IGF1R: variants seen among roughly 807,000 people sequenced by gnomAD.
The protein encoded by IGF1R is insulin like growth factor 1 receptor.
A neutral mutation model predicts 144.6 loss-of-function variants in IGF1R; 44 were observed. The observed-to-expected ratio is 0.30, with a 90% CI of 0.24 to 0.39. The LOEUF is 0.39. Among genes scored for constraint, IGF1R ranks in the 10% least tolerant of loss-of-function variants. IGF1R has a pLI of 1.00. For missense variants in IGF1R, 1,355 were observed against 1,833.7 expected (o/e 0.74, Z 4.77); for synonymous variants, 795 against 722.8 (o/e 1.10, Z -1.60).
intron 17 of IGF1R, among the ~76,000 whole-genome samples, chr15:98,938,232 C>A (rs2016232439): frequency 6.6e-6 from 1 of 152,228 alleles, no homozygotes; most frequent in African/African-American, 2.4e-5. Flanking sequence ...GTGGAAAAGC[C>A]TGGGCATGCT....
At chr15:98,912,526 T>A (rs946324601) in intron 7 of IGF1R, among the ~76,000 whole-genome samples, 1 of 152,250 alleles carries the variant, frequency 6.6e-6, no homozygotes, top group African/African-American at 2.4e-5. Context: ...CAGCTGGTAA[T>A]TTCACTGAGG....
rs987932987 is a variant in IGF1R at position 98,958,549 on chromosome 15, C to G, written c.*1107C>G. ...AAAGCAGTCAATGGATTCAAGCATT[C>G]TAAGCTTTGTTGACATTTTCTCTGT... On this transcript the variant is annotated 3_prime_UTR_variant, in exon 21 of 21. Transcript: ENST00000650285. The G allele has an allele frequency of 4.3e-6, 1 of 232,852 alleles. No individual in the cohort carries two copies. 14.4% of individuals were successfully genotyped at this position (232,852 alleles called of 1,614,324 possible).
chr15:98,822,159 C>A (rs995098080), intron 2 of IGF1R, among the ~76,000 whole-genome samples: 1 of 152,166 alleles, frequency 6.6e-6, no homozygotes, highest in African/African-American at 2.4e-5. Flanking sequence ...ATTAGAGCCA[C>A]CCTCAAACAG....
At chr15:98,884,016 CAG>C (rs1199313862) in intron 2 of IGF1R, among the ~76,000 whole-genome samples, 1 of 152,154 alleles carries the variant, frequency 6.6e-6, no homozygotes, top group Non-Finnish European at 1.5e-5. Context: ...GACTTGGGGA[CAG>C]AGAAGGGTGA....
chr15:98,884,700 A>AG (rs926031410), intron 2 of IGF1R, among the ~76,000 whole-genome samples: 7 of 151,484 alleles, frequency 4.6e-5, no homozygotes, highest in African/African-American at 1.5e-4. Flanking sequence ...AAAAAAAAAA[A>AG]AAAAGAAATT....
At chr15:98,650,967 T>C (rs908080968) in intron 1 of IGF1R, 11 of 985,050 alleles carry the variant, frequency 1.1e-5, no homozygotes, top group Non-Finnish European at 1.3e-5. Context: ...GTTTTATTCT[T>C]CTGAAAAAGT....
At chr15:98,781,861 TC>T in intron 2 of IGF1R, among the ~76,000 whole-genome samples, 1 of 152,100 alleles carries the variant, frequency 6.6e-6, no homozygotes, top group East Asian at 1.9e-4. Context: ...GGTTTAAGAG[TC>T]TTAAGGTTCA....
Position 98,957,351 on chromosome 15 carries a change from C to T in IGF1R, c.4013C>T (p.Ala1338Val), listed in dbSNP as rs1330066958. 1 of 1,612,152 alleles carries T rather than the reference C, an allele frequency of 6.2e-7. No homozygotes were observed. Among genetic ancestry groups the T allele is most frequent in the Middle Eastern group, 1.7e-4 (1 of 6,052 alleles). ...GPGPGVLVLRASFDERQPYAH... is the reference protein window; with the variant it reads ...GPGPGVLVLRVSFDERQPYAH... Reference sequence around the variant, plus strand: ...GGCCCTGGGGTGCTGGTCCTCCGCGCCAGCTTCGACGAGAGACAGCCTTAC... The same window carrying T: ...GGCCCTGGGGTGCTGGTCCTCCGCGTCAGCTTCGACGAGAGACAGCCTTAC... Residue 1338 changes from alanine to valine, a missense_variant, in exon 21 of 21, where the codon GCC becomes GTC. Ala to Val is a moderately conservative substitution (Grantham distance 64). Transcript: ENST00000650285.
chr15:98,849,893 A>G (rs1235859986), intron 2 of IGF1R, among the ~76,000 whole-genome samples: 1 of 152,244 alleles, frequency 6.6e-6, no homozygotes, highest in African/African-American at 2.4e-5. Flanking sequence ...GAAAAAATCC[A>G]AAATATTTGA....
chr15:98,657,627 T>G (rs913286178), intron 1 of IGF1R, among the ~76,000 whole-genome samples: 10 of 152,234 alleles, frequency 6.6e-5, no homozygotes, highest in Non-Finnish European at 1.3e-4. Context: ...CTGATTTCTG[T>G]GGATAATGAG....
In IGF1R at chr15:98,704,074, C is replaced by T. The variant is rs2053802036; in HGVS notation, c.95-3488C>T. Reference sequence around the variant, plus strand: ...TTTAGTGTCCCCAGGGGAAAAAAGACCCTCCCGGCCCCCTTCAGCTGTGAT... The same window carrying T: ...TTTAGTGTCCCCAGGGGAAAAAAGATCCTCCCGGCCCCCTTCAGCTGTGAT... On this transcript the variant is annotated intron_variant, in intron 1 of 20. Transcript: ENST00000650285. This position sits in a 1 kb window ranked among gnomAD's most constrained non-coding sequence, Gnocchi z 4.9. 6.7e-6 allele frequency among the ~76,000 whole-genome samples: 1 copy of T among 150,304 alleles called. No individual in the cohort carries two copies. Among genetic ancestry groups the T allele is most frequent in the Admixed American group, 6.6e-5 (1 of 15,038 alleles).
Position 98,867,294 on chromosome 15 carries a change from G to C in IGF1R, c.641-24031G>C, listed in dbSNP as rs192977623. 4.7e-4 allele frequency among the ~76,000 whole-genome samples: 71 copies of C among 152,224 alleles called. 1 individual carries two copies. Among genetic ancestry groups the C allele is most frequent in the Admixed American group, 2.5e-3 (39 of 15,296 alleles). ...GTTCTGTGAAGTTTTAAAACAAATT[G>C]GGTTTGTTTAATTAAAATATTTCTT... On this transcript the variant is annotated intron_variant, in intron 2 of 20. Transcript: ENST00000650285.
chr15:98,667,725 C>T (rs1384611692), intron 1 of IGF1R, among the ~76,000 whole-genome samples: 1 of 152,134 alleles, frequency 6.6e-6, no homozygotes. Context: ...GGGAGTGGCT[C>T]ACCTTGGTCT....
chr15:98,649,831 G>A (rs2052305435), intron 1 of IGF1R, among the ~76,000 whole-genome samples, 156 bp downstream of exon 1: 1 of 152,142 alleles, frequency 6.6e-6, no homozygotes, highest in South Asian at 2.1e-4. Context: ...CCGGGAGGGA[G>A]GCTGCAGCGG....
chr15:98,665,826 G>C (rs1282361804), intron 1 of IGF1R, among the ~76,000 whole-genome samples: 1 of 152,204 alleles, frequency 6.6e-6, no homozygotes, highest in African/African-American at 2.4e-5. Flanking sequence ...AGAAGGAGCT[G>C]CTCTCTTGCT....
chr15:98,728,559 G>A (rs950086611), intron 2 of IGF1R, among the ~76,000 whole-genome samples: 8 of 152,226 alleles, frequency 5.3e-5, no homozygotes, highest in Admixed American at 1.3e-4. Flanking sequence ...CTTGAAGAGC[G>A]GCTATTAGCA....
intron 2 of IGF1R, among the ~76,000 whole-genome samples, chr15:98,812,378 G>A (rs1220166353): frequency 6.7e-6 from 1 of 149,998 alleles, no homozygotes; most frequent in Non-Finnish European, 1.5e-5. Context: ...TTTTTTCAAG[G>A]CAGAGTCTTA....
intron 2 of IGF1R, among the ~76,000 whole-genome samples, chr15:98,879,979 G>A (rs1474371383): frequency 6.6e-6 from 1 of 152,170 alleles, no homozygotes; most frequent in Non-Finnish European, 1.5e-5. Flanking sequence ...AAAGGGGCGT[G>A]GGAAGCATGG....
chr15:98,961,183 C>T lies in IGF1R; in HGVS notation c.*3741C>T, dbSNP rs556627475. On this transcript the variant is annotated 3_prime_UTR_variant, in exon 21 of 21. Coordinates refer to ENST00000650285, the MANE Select transcript of IGF1R (RefSeq NM_000875.5). ...GTTGGATCAGGGTTTTGTTCTTCCA[C>T]ACTGTAGGTGACCCCTTGGAATAAC... 1.6e-4 allele frequency: 37 copies of T among 233,642 alleles called. No homozygotes were observed. Among genetic ancestry groups the T allele is most frequent in the Non-Finnish European group, 2.8e-4 (33 of 117,984 alleles). 14.5% of individuals were successfully genotyped at this position (233,642 alleles called of 1,614,324 possible). A position where few individuals can be genotyped will look rare whatever the true frequency, so the allele number is the denominator to read the frequency against.
Sources: gnomAD v4.1 joint callset for allele counts (sites outside exome capture counted in the v4.1 genomes callset) on GRCh38, gnomAD v4.1.1 for gene constraint, Gnocchi (gnomAD v3.1) non-coding constraint, MANE v1.5 for transcripts, NCBI Gene and HGNC (gene_info 2026-07-23, HGNC 2026-07-21) for gene names.